Variants in CSNK1G3 observed in about 807,000 individuals in gnomAD.
CSNK1G3 encodes casein kinase I isoform gamma-3.
Under a neutral mutation model 64.3 loss-of-function variants are expected in CSNK1G3, and 23 were observed. That is an observed-to-expected ratio of 0.36 (90% CI 0.26 to 0.51). The LOEUF (loss-of-function observed/expected upper bound fraction) is 0.51. CSNK1G3 is among the 20% of genes least tolerant of loss of function. The pLI is 0.96. For missense variants in CSNK1G3, 357 were observed against 510.5 expected (o/e 0.70, Z 2.90); for synonymous variants, 158 against 162.2 (o/e 0.97, Z 0.20).
At chr5:123,602,013 GA>G (rs1794586180) in intron 10 of CSNK1G3, among the ~76,000 whole-genome samples, 1 of 151,602 alleles carries the variant, frequency 6.6e-6, no homozygotes, top group South Asian at 2.1e-4. Flanking sequence ...TCAATAATTA[GA>G]AAAAATAATT....
chr5:123,534,297 A>G (rs906462671), intron 1 of CSNK1G3, among the ~76,000 whole-genome samples: 7 of 152,202 alleles, frequency 4.6e-5, no homozygotes, highest in East Asian at 1.9e-4. Flanking sequence ...ACAACTACAT[A>G]GGAGCTAAAT....
At chr5:123,556,443 C>T (rs763148166) in intron 3 of CSNK1G3, among the ~76,000 whole-genome samples, 1 of 151,952 alleles carries the variant, frequency 6.6e-6, no homozygotes, top group Non-Finnish European at 1.5e-5. Flanking sequence ...ACTGGATTGT[C>T]CAGGTGTCTG....
intron 10 of CSNK1G3, among the ~76,000 whole-genome samples, chr5:123,596,088 T>A (rs974180917): frequency 2.0e-5 from 3 of 152,106 alleles, no homozygotes; most frequent in East Asian, 3.8e-4. Flanking sequence ...TGCTATTCTT[T>A]CTTGATTTGA....
chr5:123,588,471 A>G, exon 8 of CSNK1G3: 1 of 1,612,892 alleles, frequency 6.2e-7, no homozygotes, highest in Non-Finnish European at 8.5e-7. Context: ...GAGATACAAA[A>G]CGGGCTACAC....
At chr5:123,527,544 A>G (rs1034021183) in intron 1 of CSNK1G3, among the ~76,000 whole-genome samples, 10 of 152,212 alleles carry the variant, frequency 6.6e-5, no homozygotes, top group African/African-American at 1.9e-4. Flanking sequence ...AGTCTGTTCT[A>G]TGAGGAGAGT....
intron 4 of CSNK1G3, among the ~76,000 whole-genome samples, chr5:123,566,530 A>G (rs1184096900): frequency 6.6e-6 from 1 of 152,166 alleles, no homozygotes; most frequent in African/African-American, 2.4e-5. Context: ...TACCTCTCCC[A>G]TTTCTAAAGA....
At chr5:123,600,971 A>G (rs1794398162) in intron 10 of CSNK1G3, among the ~76,000 whole-genome samples, 4 of 151,098 alleles carry the variant, frequency 2.6e-5, no homozygotes, top group Non-Finnish European at 5.9e-5. Flanking sequence ...GGAATGTCAG[A>G]GGGAATTTTT....
At chr5:123,527,758 T>A (rs1283774828) in intron 1 of CSNK1G3, among the ~76,000 whole-genome samples, 1 of 152,218 alleles carries the variant, frequency 6.6e-6, no homozygotes, top group East Asian at 1.9e-4. Context: ...CTCATTTAGT[T>A]AGCATTATAG....
At chr5:123,534,226 C>G (rs1475604744) in intron 1 of CSNK1G3, among the ~76,000 whole-genome samples, 2 of 151,922 alleles carry the variant, frequency 1.3e-5, no homozygotes, top group Non-Finnish European at 2.9e-5. Flanking sequence ...CAAGTCTAAT[C>G]CTTCTATTTT....
At chr5:123,613,571 C>T (rs1043206565) in intron 12 of CSNK1G3, among the ~76,000 whole-genome samples, 7 of 151,678 alleles carry the variant, frequency 4.6e-5, no homozygotes, top group African/African-American at 1.7e-4. Flanking sequence ...GCTGTATTGT[C>T]CAGGCTGGTC....
At position 123,551,798 on chromosome 5, in the gene CSNK1G3, C is replaced by A. The variant is rs186102677; in HGVS notation, c.179-1309C>A. Among the ~76,000 whole-genome samples the A allele has an allele frequency of 4.5e-3, 676 of 151,870 alleles. 2 individuals are homozygous for A. Among genetic ancestry groups the A allele is most frequent in the Non-Finnish European group, 6.9e-3 (468 of 67,988 alleles). ...CAGTTACTCTCACTATTAAAAAAAA[C>A]CCCAAAAAACTATCATTGTTTTGTT... is the stretch of plus-strand genomic sequence containing the variant. On this transcript the variant is annotated intron_variant, in intron 2 of 12. Coordinates refer to ENST00000345990, the Ensembl canonical transcript of CSNK1G3.
intron 1 of CSNK1G3, among the ~76,000 whole-genome samples, chr5:123,520,707 A>G (rs1187930299): frequency 2.0e-5 from 3 of 152,082 alleles, no homozygotes; most frequent in Non-Finnish European, 4.4e-5. Flanking sequence ...ACAAATATAC[A>G]TTATAAAATT....
chr5:123,515,838 T>C (rs1777063984), intron 1 of CSNK1G3, among the ~76,000 whole-genome samples: 1 of 152,196 alleles, frequency 6.6e-6, no homozygotes, highest in African/African-American at 2.4e-5. Context: ...CTATAATTTA[T>C]TAAGTGCCTA....
At chr5:123,600,618 C>A in intron 10 of CSNK1G3, among the ~76,000 whole-genome samples, 1 of 147,484 alleles carries the variant, frequency 6.8e-6, no homozygotes. Flanking sequence ...GAATAAGATG[C>A]CATTTCAAAA....
At chr5:123,535,931 T>C (rs922712327) in intron 1 of CSNK1G3, among the ~76,000 whole-genome samples, 1 of 152,152 alleles carries the variant, frequency 6.6e-6, no homozygotes, top group Admixed American at 6.6e-5. Flanking sequence ...AGTTGTTGTT[T>C]CTTCATTCTT....
At chr5:123,567,005 A>C (rs575729818) in intron 4 of CSNK1G3, among the ~76,000 whole-genome samples, 8 of 152,284 alleles carry the variant, frequency 5.3e-5, no homozygotes, top group African/African-American at 1.9e-4. Context: ...TTTACAAAAG[A>C]AAGAGGTTTA....
rs1007974950 is a variant in CSNK1G3, at chr5:123,615,711, A to C, written c.*1315A>C. ...TAGTTTTGTCACATTCTACTAGCCA[A>C]AATTTTCAAGAAGGGTTAAAACAAA... On this transcript the variant is annotated 3_prime_UTR_variant, in exon 13 of 13. Coordinates refer to ENST00000345990, the Ensembl canonical transcript of CSNK1G3. 3 of 152,210 alleles carry C rather than the reference A, an allele frequency of 2.0e-5. No homozygotes were observed. The South Asian group carries it at 6.2e-4, about 32-fold the overall frequency. 9.4% of individuals were successfully genotyped at this position (152,210 alleles called of 1,614,324 possible).
chr5:123,583,719 A>T (rs1292078642), intron 6 of CSNK1G3, among the ~76,000 whole-genome samples: 1 of 151,778 alleles, frequency 6.6e-6, no homozygotes, highest in Admixed American at 6.6e-5. Flanking sequence ...TTGCTCTGTC[A>T]CCCAGGCTGG....
At chr5:123,524,088 C>G (rs1438463489) in intron 1 of CSNK1G3, among the ~76,000 whole-genome samples, 1 of 152,346 alleles carries the variant, frequency 6.6e-6, no homozygotes, top group South Asian at 2.1e-4. Context: ...TCTTACTTCT[C>G]TGAGGTGGAG....
Sources: allele counts gnomAD v4.1 joint callset (sites outside exome capture counted in the v4.1 genomes callset), GRCh38; gene constraint gnomAD v4.1.1; transcripts MANE v1.5; gene names NCBI Gene and HGNC (gene_info 2026-07-23, HGNC 2026-07-21).